ARK2C: variants seen among roughly 807,000 people sequenced by gnomAD.
The protein encoded by ARK2C is E3 ubiquitin-protein ligase ARK2C.
At chr18:46,360,756 G>T in the ARK2C span, among the ~76,000 whole-genome samples, 317 of 152,184 alleles carry the variant, frequency 2.1e-3, 1 homozygote, top group Non-Finnish European at 3.2e-3. Context: ...CCTCTAATAC[G>T]CCTGGGCACA....
chr18:46,363,827 A>G, the ARK2C span, among the ~76,000 whole-genome samples: 2 of 152,026 alleles, frequency 1.3e-5, no homozygotes, highest in Non-Finnish European at 2.9e-5. Context: ...ACATGAATTC[A>G]TAGGGGCCAC....
the ARK2C span, among the ~76,000 whole-genome samples, chr18:46,404,802 C>T: frequency 6.9e-6 from 1 of 145,098 alleles, no homozygotes; most frequent in South Asian, 2.2e-4. Flanking sequence ...ACACACACAA[C>T]AACCCCCCCA....
the ARK2C span, among the ~76,000 whole-genome samples, chr18:46,355,711 T>A: frequency 1.3e-5 from 2 of 148,704 alleles, no homozygotes; most frequent in Non-Finnish European, 3.0e-5. Flanking sequence ...CCTGCCTGGC[T>A]TCCTGGCAGA....
At chr18:46,341,856 C>G in the ARK2C span, among the ~76,000 whole-genome samples, 13 of 152,152 alleles carry the variant, frequency 8.5e-5, no homozygotes, top group African/African-American at 3.1e-4. Flanking sequence ...CAAACTTTGT[C>G]TTTCTTGAAA....
At chr18:46,447,761 C>T in the ARK2C span, 3 of 1,591,496 alleles carry the variant, frequency 1.9e-6, no homozygotes, top group Non-Finnish European at 8.6e-7. Context: ...CTGCGGTCCC[C>T]TGTGCCCTGG....
chr18:46,384,922 T>C, the ARK2C span, among the ~76,000 whole-genome samples: 4 of 152,234 alleles, frequency 2.6e-5, no homozygotes, highest in African/African-American at 4.8e-5. Flanking sequence ...CCCTGGTAGA[T>C]ACAGCCCAGA....
At chr18:46,422,239 G>A in the ARK2C span, among the ~76,000 whole-genome samples, 13,277 of 152,160 alleles carry the variant, frequency 0.087, 1,012 homozygotes, top group African/African-American at 0.21. Context: ...CAGTTCTGCC[G>A]TTCAAGGTTC....
chr18:46,337,681 C>T, the ARK2C span: 2 of 892,976 alleles, frequency 2.2e-6, no homozygotes, highest in South Asian at 1.0e-4. Context: ...TGCTGTTTTC[C>T]CATTTATTGT....
At chr18:46,409,516 C>G in the ARK2C span, among the ~76,000 whole-genome samples, 2 of 152,296 alleles carry the variant, frequency 1.3e-5, no homozygotes, top group East Asian at 3.9e-4. Flanking sequence ...ACGTCTGACT[C>G]TGAGCTGCTG....
chr18:46,379,981 G>A, the ARK2C span, among the ~76,000 whole-genome samples: 156 of 152,324 alleles, frequency 1.0e-3, no homozygotes, highest in Non-Finnish European at 2.1e-3. Context: ...TCAGAGAAGA[G>A]ATGAGGCTCC....
the ARK2C span, among the ~76,000 whole-genome samples, chr18:46,366,316 A>G: frequency 6.9e-6 from 1 of 144,190 alleles, no homozygotes; most frequent in African/African-American, 2.8e-5. Context: ...AAAAAAAAAA[A>G]AAATAGAGAG....
the ARK2C span, among the ~76,000 whole-genome samples, chr18:46,352,551 G>A: frequency 6.6e-6 from 1 of 152,164 alleles, no homozygotes; most frequent in African/African-American, 2.4e-5. Context: ...TCAATATCAA[G>A]GACTCAGGTG....
chr18:46,439,183 G>A, the ARK2C span, among the ~76,000 whole-genome samples: 1 of 152,350 alleles, frequency 6.6e-6, no homozygotes, highest in African/African-American at 2.4e-5. Context: ...ATACTCTCAT[G>A]AGCGTAACCC....
the ARK2C span, among the ~76,000 whole-genome samples, chr18:46,431,900 C>G: frequency 6.6e-6 from 1 of 152,224 alleles, no homozygotes; most frequent in South Asian, 2.1e-4. Context: ...CTTGACCACT[C>G]CTTTGGTAGG....
the ARK2C span, among the ~76,000 whole-genome samples, chr18:46,413,708 C>G: frequency 6.6e-6 from 1 of 152,054 alleles, no homozygotes. Context: ...CTGCTCTACT[C>G]ACATTTAAAA....
chr18:46,392,422 C>G, the ARK2C span, among the ~76,000 whole-genome samples: 1,227 of 152,346 alleles, frequency 8.1e-3, 17 homozygotes, highest in African/African-American at 0.028. Context: ...CCCTCAGGGC[C>G]CTCTTTTGGT....
At chr18:46,402,900 G>A in the ARK2C span, among the ~76,000 whole-genome samples, 1 of 152,158 alleles carries the variant, frequency 6.6e-6, no homozygotes, top group East Asian at 1.9e-4. Flanking sequence ...AACCTTCCTG[G>A]TGTCTCAGGA....
At chr18:46,354,700 C>T in the ARK2C span, among the ~76,000 whole-genome samples, 2 of 152,204 alleles carry the variant, frequency 1.3e-5, no homozygotes, top group South Asian at 2.1e-4. Context: ...TTATAAATGA[C>T]AGTTTGTCCT....
the ARK2C span, chr18:46,433,046 T>C: frequency 1.8e-6 from 1 of 568,648 alleles, no homozygotes; most frequent in African/African-American, 2.0e-5. Flanking sequence ...GATGACCACA[T>C]GCCTCTAACA....
Sources: gnomAD v4.1 joint callset for allele counts (sites outside exome capture counted in the v4.1 genomes callset) on GRCh38, gnomAD v4.1.1 for gene constraint, MANE v1.5 for transcripts, NCBI Gene and HGNC (gene_info 2026-07-23, HGNC 2026-07-21) for gene names.